LOC128462377: variants seen among roughly 807,000 people sequenced by gnomAD.
the LOC128462377 span, among the ~76,000 whole-genome samples, chr16:89,405,067 C>T: frequency 9.9e-5 from 15 of 152,060 alleles, no homozygotes; most frequent in Admixed American, 7.2e-4. Context: ...CCCGACGCCC[C>T]GTCACACGCT....
the LOC128462377 span, among the ~76,000 whole-genome samples, chr16:89,326,821 T>C: frequency 1.3e-5 from 2 of 151,990 alleles, no homozygotes; most frequent in Non-Finnish European, 2.9e-5. Context: ...CCCCAAAGCA[T>C]CTCCTAAGAA....
the LOC128462377 span, among the ~76,000 whole-genome samples, chr16:89,365,713 CG>C: frequency 5.3e-5 from 8 of 152,224 alleles, no homozygotes; most frequent in South Asian, 4.1e-4. Context: ...AGAAACCCAA[CG>C]TTTTTTTTAA....
the LOC128462377 span, chr16:89,403,732 C>T: frequency 6.6e-6 from 1 of 152,070 alleles, no homozygotes; most frequent in East Asian, 1.9e-4. Flanking sequence ...AAGTTTGAGG[C>T]CAATCTGGGC....
chr16:89,355,793 C>A, the LOC128462377 span, among the ~76,000 whole-genome samples: 1 of 152,206 alleles, frequency 6.6e-6, no homozygotes, highest in Non-Finnish European at 1.5e-5. Context: ...TGCACCGAGG[C>A]CCTGCCACGG....
chr16:89,323,238 G>A, the LOC128462377 span: 19 of 1,210,656 alleles, frequency 1.6e-5, no homozygotes, highest in Middle Eastern at 2.2e-4. Context: ...AAGAAAAAAG[G>A]AGAAAAGGAA....
chr16:89,395,231 A>T, the LOC128462377 span, among the ~76,000 whole-genome samples: 23 of 152,228 alleles, frequency 1.5e-4, no homozygotes, highest in Non-Finnish European at 2.9e-4. Context: ...AGAATTATGC[A>T]AGCCAAGTAA....
chr16:89,407,985 G>T, the LOC128462377 span, among the ~76,000 whole-genome samples: 1 of 151,824 alleles, frequency 6.6e-6, no homozygotes, highest in African/African-American at 2.4e-5. Context: ...CATCTATAGC[G>T]AAGTGTGGAA....
the LOC128462377 span, among the ~76,000 whole-genome samples, chr16:89,386,972 G>A: frequency 6.6e-6 from 1 of 151,926 alleles, no homozygotes; most frequent in Non-Finnish European, 1.5e-5. Context: ...GCAGGAGGGT[G>A]GCCCCACCCT....
At chr16:89,342,143 C>T in the LOC128462377 span, among the ~76,000 whole-genome samples, 2 of 152,234 alleles carry the variant, frequency 1.3e-5, no homozygotes, top group Non-Finnish European at 2.9e-5. Flanking sequence ...TCTCTCAGGG[C>T]CCTTCTAGAT....
At chr16:89,388,895 G>T in the LOC128462377 span, among the ~76,000 whole-genome samples, 3 of 152,164 alleles carry the variant, frequency 2.0e-5, no homozygotes, top group Non-Finnish European at 4.4e-5. Flanking sequence ...ACAGCTGAAA[G>T]GGACAAAAAG....
the LOC128462377 span, among the ~76,000 whole-genome samples, chr16:89,343,044 C>G: frequency 0.54 from 82,546 of 152,132 alleles, 22,873 homozygotes; most frequent in African/African-American, 0.66. Flanking sequence ...ATTTGAGACG[C>G]AGTCTTGCTG....
the LOC128462377 span, among the ~76,000 whole-genome samples, chr16:89,347,024 T>C: frequency 6.6e-6 from 1 of 151,752 alleles, no homozygotes; most frequent in African/African-American, 2.4e-5. Context: ...CCAAGGTTGG[T>C]CAGTAGCAGG....
chr16:89,344,025 C>T, the LOC128462377 span, among the ~76,000 whole-genome samples: 2 of 152,184 alleles, frequency 1.3e-5, no homozygotes, highest in Non-Finnish European at 2.9e-5. Context: ...TGCAGGCGGC[C>T]AGCCACTCCT....
At chr16:89,320,565 C>T in the LOC128462377 span, among the ~76,000 whole-genome samples, 3 of 152,204 alleles carry the variant, frequency 2.0e-5, no homozygotes, top group African/African-American at 7.2e-5. Flanking sequence ...CACCTCCTGG[C>T]GGATGGCAAC....
At chr16:89,392,001 G>A in the LOC128462377 span, among the ~76,000 whole-genome samples, 1 of 152,192 alleles carries the variant, frequency 6.6e-6, no homozygotes, top group African/African-American at 2.4e-5. Context: ...ACCTTTCTCA[G>A]CATTCCACAA....
the LOC128462377 span, among the ~76,000 whole-genome samples, chr16:89,383,436 A>C: frequency 5.9e-5 from 9 of 152,210 alleles, no homozygotes; most frequent in African/African-American, 2.2e-4. Context: ...GTGAGTTCAG[A>C]AAGGCGCTGT....
At chr16:89,364,746 A>G in the LOC128462377 span, among the ~76,000 whole-genome samples, 4 of 152,192 alleles carry the variant, frequency 2.6e-5, no homozygotes, top group Non-Finnish European at 4.4e-5. Context: ...AGCTTGCCCT[A>G]TCTCACACTG....
At chr16:89,331,727 C>G in the LOC128462377 span, among the ~76,000 whole-genome samples, 3 of 152,246 alleles carry the variant, frequency 2.0e-5, no homozygotes, top group Admixed American at 2.0e-4. Context: ...TTCAAGGGAT[C>G]CTCCTGCCTC....
the LOC128462377 span, among the ~76,000 whole-genome samples, chr16:89,394,588 A>G: frequency 6.6e-6 from 1 of 151,652 alleles, no homozygotes. Context: ...GTATCGCACC[A>G]CTGCACTCCA....
Sources: gnomAD v4.1 joint callset for allele counts (sites outside exome capture counted in the v4.1 genomes callset) on GRCh38, gnomAD v4.1.1 for gene constraint, MANE v1.5 for transcripts.